The following NAA40 variants were observed in gnomAD, a reference collection of about 807,000 sequenced individuals.
The protein encoded by NAA40 is N-alpha-acetyltransferase 40.
In NAA40, 26 loss-of-function variants were observed where a neutral mutation model predicts 36.6. The observed-to-expected ratio is 0.71, with a 90% CI of 0.52 to 0.98. The LOEUF (loss-of-function observed/expected upper bound fraction) is 0.98. Among genes scored for constraint, NAA40 ranks in the 50% least tolerant of loss-of-function variants. The pLI is 0.00. For synonymous variants in NAA40, 129 were observed against 108.4 expected, an observed-to-expected ratio of 1.19 and a Z score of -1.18; for missense variants, 237 against 306.5, an observed-to-expected ratio of 0.77 and a Z score of 1.69.
chr11:63,940,888 A>C (rs1287104375), intron 1 of NAA40, among the ~76,000 whole-genome samples: 1 of 152,242 alleles, frequency 6.6e-6, no homozygotes, highest in Non-Finnish European at 1.5e-5. Flanking sequence ...GAAAGGTCCT[A>C]GACACAGCCA....
intron 3 of NAA40, among the ~76,000 whole-genome samples, chr11:63,947,421 A>G (rs909480879): frequency 6.6e-6 from 1 of 152,044 alleles, no homozygotes; most frequent in Non-Finnish European, 1.5e-5. Flanking sequence ...ACAAAACAAA[A>G]CAAAACAAAA....
intron 1 of NAA40, among the ~76,000 whole-genome samples, chr11:63,942,445 G>A (rs1942123538): frequency 6.6e-6 from 1 of 152,202 alleles, no homozygotes; most frequent in South Asian, 2.1e-4. Flanking sequence ...GAAATTTTGA[G>A]CAACTTGCTG....
intron 1 of NAA40, chr11:63,939,416 C>A: frequency 8.7e-7 from 1 of 1,153,240 alleles, no homozygotes; most frequent in Non-Finnish European, 1.1e-6. Context: ...GGGTTAGCTT[C>A]CCGCTCCCCC....
intron 3 of NAA40, among the ~76,000 whole-genome samples, chr11:63,947,406 TCAAAA>T (rs141435308): frequency 0.28 from 41,485 of 150,594 alleles, 7,266 homozygotes; most frequent in Non-Finnish European, 0.39. Flanking sequence ...AAACTCCATC[TCAAAA>T]CAAAACAAAA....
At chr11:63,945,136 C>T (rs1302342654) in intron 1 of NAA40, among the ~76,000 whole-genome samples, 1 of 152,208 alleles carries the variant, frequency 6.6e-6, no homozygotes, top group Non-Finnish European at 1.5e-5. Flanking sequence ...CCTCTGCTGC[C>T]CTGCTGCTGA....
rs1942373591 is a variant in NAA40 at position 63,956,890 on chromosome 11, T to G, written c.*2411T>G. The stretch of plus-strand genomic sequence containing the variant: ...CGGGAGGCTGAGGCAGGAGACTCGC[T>G]TGAACCCAGGAGGTGGAGGTTGTGG... On this transcript the variant is annotated 3_prime_UTR_variant, in exon 8 of 8. Transcript: ENST00000377793. The G allele has an allele frequency of 6.6e-6, 1 of 152,044 alleles. No homozygotes were observed. The highest frequency in any genetic ancestry group is 6.6e-5 in the Admixed American group (1 of 15,258). The allele number at this position is 152,044 out of a possible 1,614,324, so 9.4% of individuals were successfully genotyped here.
intron 1 of NAA40, among the ~76,000 whole-genome samples, chr11:63,941,562 T>C (rs1942109408): frequency 6.6e-6 from 1 of 150,508 alleles, no homozygotes; most frequent in Non-Finnish European, 1.5e-5. Flanking sequence ...TTCTTTTCCT[T>C]TTTTTTTTAG....
chr11:63,947,204 C>T (rs1413891217), intron 3 of NAA40, among the ~76,000 whole-genome samples: 3 of 152,056 alleles, frequency 2.0e-5, no homozygotes, highest in Admixed American at 6.6e-5. Flanking sequence ...GTCAGGAGTT[C>T]GAGACCAGCC....
intron 3 of NAA40, among the ~76,000 whole-genome samples, chr11:63,949,239 A>G (rs1306500998): frequency 6.6e-6 from 1 of 152,166 alleles, no homozygotes; most frequent in Admixed American, 6.6e-5. Context: ...TACCTTTCTC[A>G]TGGACTTGTC....
At chr11:63,950,344 C>G (rs548484307) in intron 3 of NAA40, among the ~76,000 whole-genome samples, 1 of 152,158 alleles carries the variant, frequency 6.6e-6, no homozygotes, top group Non-Finnish European at 1.5e-5. Flanking sequence ...GTCCCGAACT[C>G]CTGACCTCAG....
intron 2 of NAA40, chr11:63,946,733 A>G: frequency 1.3e-6 from 2 of 1,526,358 alleles, no homozygotes; most frequent in East Asian, 5.0e-5. Context: ...AGGTGATGCC[A>G]AACTTAACTC....
At position 63,954,020 on chromosome 11, in the gene NAA40, T is replaced by G; in HGVS notation, c.543T>G (p.Gly181=). Residue 181 remains glycine (G), a synonymous_variant, in exon 7 of 8, where the codon GGT becomes GGG. Coordinates refer to ENST00000377793, the MANE Select transcript of NAA40 (RefSeq NM_024771.4). ...TAACAGTATTTAAACACAATCATGG[T>G]GCCTACCAGTTCTTCAGAGAAGCGT... ...VMLTVFKHNH[G]AYQFFREALQ... 1 of 1,614,178 alleles carries G rather than the reference T, an allele frequency of 6.2e-7. No individual in the cohort carries two copies. The highest frequency in any genetic ancestry group is 8.5e-7 in the Non-Finnish European group (1 of 1,180,034).
At chr11:63,945,091 G>T (rs555369157) in intron 1 of NAA40, among the ~76,000 whole-genome samples, 1 of 152,238 alleles carries the variant, frequency 6.6e-6, no homozygotes, top group South Asian at 2.1e-4. Context: ...TTTGCCATTC[G>T]CTGCTCTATG....
chr11:63,947,145 G>A (rs1590753857), intron 3 of NAA40, 142 bp downstream of exon 3: 2 of 852,054 alleles, frequency 2.3e-6, no homozygotes, highest in Non-Finnish European at 3.8e-6. Flanking sequence ...GGTGGCTCAC[G>A]CCTGTAATCC....
chr11:63,939,313 C>A, intron 1 of NAA40: 1 of 1,261,212 alleles, frequency 7.9e-7, no homozygotes, highest in Non-Finnish European at 1.0e-6. Context: ...TCCGGGGCCC[C>A]ACCCCCTCGG....
chr11:63,941,456 T>G (rs1942107652), intron 1 of NAA40, among the ~76,000 whole-genome samples: 1 of 152,252 alleles, frequency 6.6e-6, no homozygotes, highest in African/African-American at 2.4e-5. Flanking sequence ...TATTGGATAG[T>G]ATATGGGGTA....
intron 1 of NAA40, 144 bp downstream of exon 1, chr11:63,939,246 C>A: frequency 1.5e-6 from 2 of 1,311,060 alleles, no homozygotes; most frequent in Non-Finnish European, 2.0e-6. Flanking sequence ...CCCGACTCCC[C>A]CATTCTAAGG....
chr11:63,946,205 ATTT>A (rs1022508692), intron 2 of NAA40: 1 of 420,926 alleles, frequency 2.4e-6, no homozygotes, highest in Non-Finnish European at 4.3e-6. Flanking sequence ...GATCTAGATA[ATTT>A]TTTTTTCTTT....
chr11:63,957,212 A>ATATATATAT lies in NAA40; in HGVS notation c.*2734_*2735insATATATATT, dbSNP rs1278673521. On this transcript the variant is annotated 3_prime_UTR_variant, in exon 8 of 8. Transcript: ENST00000377793. The stretch of plus-strand genomic sequence containing the variant: ...CCTTGATATATATATATATATATAT[A>ATATATATAT]TTTTTTTTTTTCTTTAGCAGCTTGT... 2.5e-4 allele frequency: 16 copies of ATATATATAT among 64,298 alleles called. No homozygotes were observed. Among genetic ancestry groups the ATATATATAT allele is most frequent in the African/African-American group, 6.3e-4 (15 of 23,940 alleles). The allele number at this position is 64,298 out of a possible 1,614,324, so 4.0% of individuals were successfully genotyped here. A position where few individuals can be genotyped will look rare whatever the true frequency, so the allele number is the denominator to read the frequency against.
Sources: gnomAD v4.1 joint callset for allele counts (sites outside exome capture counted in the v4.1 genomes callset) on GRCh38, gnomAD v4.1.1 for gene constraint, MANE v1.5 for transcripts, NCBI Gene and HGNC (gene_info 2026-07-23, HGNC 2026-07-21) for gene names.